DIAPH2: variants seen among roughly 807,000 people sequenced by gnomAD.
DIAPH2 encodes diaphanous related formin 2.
A neutral mutation model predicts 92.7 loss-of-function variants in DIAPH2; 35 were observed. The observed-to-expected ratio is 0.38, with a 90% confidence interval of 0.29 to 0.50. The LOEUF (loss-of-function observed/expected upper bound fraction) is 0.50, where lower values mean the gene tolerates loss of function less well. DIAPH2 is among the 20% of genes least tolerant of loss of function. The pLI is 0.94. For missense variants in DIAPH2, 701 were observed against 819.5 expected, an observed-to-expected ratio of 0.86 and a Z score of 1.77; for synonymous variants, 301 against 280.4, an observed-to-expected ratio of 1.07 and a Z score of -0.73.
chrX:97,349,663 G>A (rs868286621), intron 24 of DIAPH2, among the ~76,000 whole-genome samples: 15 of 111,099 alleles, frequency 1.4e-4, no homozygotes, highest in Admixed American at 4.9e-4. Flanking sequence ...CAAACTTCCA[G>A]AAGTATGATC....
At chrX:97,588,452 A>G (rs2071492721) in intron 26 of DIAPH2, among the ~76,000 whole-genome samples, 1 of 110,231 alleles carries the variant, frequency 9.1e-6, no homozygotes. Flanking sequence ...ACCTTTTACC[A>G]TCAAAGGACA....
At chrX:97,385,510 C>T (rs1056744092) in intron 25 of DIAPH2, among the ~76,000 whole-genome samples, 4 of 111,665 alleles carry the variant, frequency 3.6e-5, no homozygotes, top group Non-Finnish European at 7.5e-5. Flanking sequence ...GGATTACAAG[C>T]GTGAGCCACT....
chrX:96,735,916 AT>A (rs2064084775), intron 2 of DIAPH2, 126 bp downstream of exon 2: 1 of 406,131 alleles, frequency 2.5e-6, no homozygotes, highest in African/African-American at 2.5e-5. Context: ...GTATAGTAGA[AT>A]GGAATAATTG....
chrX:97,147,651 T>G, intron 22 of DIAPH2, among the ~76,000 whole-genome samples: 1 of 111,798 alleles, frequency 8.9e-6, no homozygotes, highest in East Asian at 2.8e-4. Flanking sequence ...GAAGGTATTA[T>G]TTATCCTGAG....
At chrX:97,584,473 C>T (rs2071466101) in intron 26 of DIAPH2, among the ~76,000 whole-genome samples, 1 of 112,257 alleles carries the variant, frequency 8.9e-6, no homozygotes, top group South Asian at 3.7e-4. Flanking sequence ...CTTAATGTGC[C>T]TACTGATTCT....
intron 26 of DIAPH2, among the ~76,000 whole-genome samples, chrX:97,433,213 T>A (rs944142447): frequency 2.7e-5 from 3 of 110,648 alleles, no homozygotes; most frequent in Admixed American, 9.7e-5. Flanking sequence ...TATTTTTTTT[T>A]AATAAAAAAC....
intron 1 of DIAPH2, among the ~76,000 whole-genome samples, chrX:96,688,512 A>AT (rs2063783044): frequency 9.1e-6 from 1 of 110,320 alleles, no homozygotes; most frequent in African/African-American, 3.3e-5. Context: ...TCTTTTTTGT[A>AT]TTTTTGTAGA....
intron 24 of DIAPH2, among the ~76,000 whole-genome samples, chrX:97,366,652 T>G (rs2069384133): frequency 9.0e-6 from 1 of 111,657 alleles, no homozygotes; most frequent in Non-Finnish European, 1.9e-5. Flanking sequence ...CTCTTTATGA[T>G]AAAAATCATT....
At chrX:97,216,391 ACCT>A (rs1224520451) in intron 22 of DIAPH2, among the ~76,000 whole-genome samples, 1 of 110,488 alleles carries the variant, frequency 9.1e-6, no homozygotes, top group African/African-American at 3.3e-5. Flanking sequence ...TGTAGCCTCA[ACCT>A]CCTGGACTCA....
chrX:97,225,692 T>G (rs1388645778), intron 22 of DIAPH2, among the ~76,000 whole-genome samples: 3 of 111,825 alleles, frequency 2.7e-5, no homozygotes, highest in African/African-American at 9.7e-5. Context: ...TGTTTATATA[T>G]TGAAATTTTT....
intron 23 of DIAPH2, among the ~76,000 whole-genome samples, chrX:97,317,124 C>T (rs986789117): frequency 6.5e-4 from 73 of 112,054 alleles, no homozygotes; most frequent in African/African-American, 2.0e-3. Context: ...ATTCTGTGTT[C>T]AATCTGTAAA....
chrX:97,030,912 G>A (rs187080963), intron 17 of DIAPH2, among the ~76,000 whole-genome samples: 123 of 111,695 alleles, frequency 1.1e-3, no homozygotes, highest in African/African-American at 3.7e-3. Context: ...AGAAACATAC[G>A]CTTAAAATAA....
At chrX:96,782,671 C>T (rs781051843) in intron 4 of DIAPH2, among the ~76,000 whole-genome samples, 5 of 111,293 alleles carry the variant, frequency 4.5e-5, no homozygotes, top group Middle Eastern at 4.6e-3. Flanking sequence ...TGGGCTCAAG[C>T]GATCTGCCCT....
intron 5 of DIAPH2, among the ~76,000 whole-genome samples, chrX:96,883,718 C>T (rs2065236249): frequency 9.0e-6 from 1 of 110,756 alleles, no homozygotes; most frequent in African/African-American, 3.3e-5. Context: ...GAACAGGGGA[C>T]GTGAGTTCTT....
intron 25 of DIAPH2, among the ~76,000 whole-genome samples, chrX:97,399,059 T>A (rs991924755): frequency 1.1e-4 from 12 of 111,575 alleles, no homozygotes; most frequent in African/African-American, 2.3e-4. Context: ...TGATTTTTTT[T>A]AAAGACAAAG....
Position 96,758,946 on chromosome X carries a change from A to AT in DIAPH2, c.447+701dup, listed in dbSNP as rs1376147995. Among the ~76,000 whole-genome samples the AT allele has an allele frequency of 5.0e-3, 511 of 101,828 alleles. 5 individuals carry two copies. Among genetic ancestry groups the AT allele is most frequent in the African/African-American group, 0.015 (413 of 28,375 alleles). 88.4% of individuals were successfully genotyped at this position (101,828 alleles called of 115,157 possible). A position where few individuals can be genotyped will look rare whatever the true frequency, so the allele number is the denominator to read the frequency against. ...CTTCCAAATATAGTCTTAAGCTTTG[A>AT]TTTTTTTTTTTTTGGTAAGAAAAAA... is the stretch of plus-strand genomic sequence containing the variant. On this transcript the variant is annotated intron_variant, in intron 4 of 26. Coordinates refer to ENST00000324765, the MANE Select transcript of DIAPH2 (RefSeq NM_006729.5).
At chrX:97,435,798 T>C (rs1463467253) in intron 26 of DIAPH2, among the ~76,000 whole-genome samples, 2 of 109,808 alleles carry the variant, frequency 1.8e-5, no homozygotes. Context: ...CTCTTTTTTT[T>C]TTTCTTTTTT....
chrX:97,056,813 A>C (rs1400942239), intron 17 of DIAPH2, among the ~76,000 whole-genome samples: 1 of 111,843 alleles, frequency 8.9e-6, no homozygotes, highest in Non-Finnish European at 1.9e-5. Context: ...TAGTTCACTT[A>C]ATGAAATGAT....
intron 4 of DIAPH2, among the ~76,000 whole-genome samples, chrX:96,841,903 G>A (rs1219045682): frequency 1.8e-5 from 2 of 111,375 alleles, no homozygotes; most frequent in Non-Finnish European, 3.8e-5. Context: ...GGTAGGTAGT[G>A]GAAAATTACA....
Sources: gnomAD v4.1 joint callset for allele counts (sites outside exome capture counted in the v4.1 genomes callset) on GRCh38, gnomAD v4.1.1 for gene constraint, MANE v1.5 for transcripts, NCBI Gene and HGNC (gene_info 2026-07-23, HGNC 2026-07-21) for gene names.